The following PYY variants were observed in gnomAD, a reference collection of about 807,000 sequenced individuals.
PYY encodes peptide YY, also known as peptide tyrosine tyrosine.
Under a neutral mutation model 10.3 loss-of-function variants are expected in PYY, and 12 were observed. The ratio of observed to expected loss-of-function variants is 1.17; its 90% CI spans 0.75 to 1.89. The LOEUF is 1.89. Among genes scored for constraint, PYY ranks in the 40% most tolerant of loss-of-function variants. The pLI, the probability that PYY is intolerant of heterozygous loss-of-function variation, is 0.00. For missense variants in PYY, 141 were observed against 134.0 expected (o/e 1.05, Z -0.26); for synonymous variants, 66 against 62.0 (o/e 1.06, Z -0.30).
intron 1 of PYY, among the ~76,000 whole-genome samples, chr17:43,983,854 C>G (rs1391126428): frequency 1.3e-5 from 2 of 152,236 alleles, no homozygotes; most frequent in Non-Finnish European, 2.9e-5. Context: ...CCGGGTCCTC[C>G]CCAGGCGCGC....
At chr17:43,984,171 C>T (rs1318206398) in intron 1 of PYY, among the ~76,000 whole-genome samples, 1 of 152,224 alleles carries the variant, frequency 6.6e-6, no homozygotes, top group Non-Finnish European at 1.5e-5. Flanking sequence ...GGGCGCCAGC[C>T]CCGGGGATGC....
At chr17:43,969,994 G>A (rs570421687) in intron 1 of PYY, among the ~76,000 whole-genome samples, 32 of 151,734 alleles carry the variant, frequency 2.1e-4, no homozygotes, top group Admixed American at 1.3e-3. Flanking sequence ...CATCTGCCAC[G>A]GCCTCCCAAA....
chr17:43,986,548 G>A (rs2048917182), intron 1 of PYY, among the ~76,000 whole-genome samples: 1 of 152,186 alleles, frequency 6.6e-6, no homozygotes, highest in Non-Finnish European at 1.5e-5. Context: ...TGAAATTCCA[G>A]CTCTACAGCC....
intron 2 of PYY, among the ~76,000 whole-genome samples, chr17:43,959,758 C>T (rs1373292763): frequency 1.3e-5 from 2 of 152,266 alleles, no homozygotes; most frequent in African/African-American, 4.8e-5. Context: ...CTGTGAGGGT[C>T]CCTGGGCGCC....
chr17:43,963,369 G>A (rs1226811441), intron 2 of PYY, among the ~76,000 whole-genome samples: 13 of 151,538 alleles, frequency 8.6e-5, no homozygotes, highest in East Asian at 3.9e-4. Flanking sequence ...TTATCCAGGC[G>A]TGGTAGCACA....
At position 43,952,870 on chromosome 17, in the gene PYY, G is replaced by T; in HGVS notation, c.*86C>A. On this transcript the variant is annotated 3_prime_UTR_variant, in exon 4 of 4. Transcript: ENST00000692052. ...CCTGCCCAGACGCCGCCGTCGGGAG[G>T]CAGAATCCGGGTTTCTGGGGTCGGG... is the stretch of plus-strand genomic sequence containing the variant. 1 of 1,407,080 alleles carries T rather than the reference G, an allele frequency of 7.1e-7. No homozygotes were observed. 87.2% of individuals were successfully genotyped at this position (1,407,080 alleles called of 1,614,324 possible). A position where few individuals can be genotyped will look rare whatever the true frequency, so the allele number is the denominator to read the frequency against.
At chr17:43,978,300 TGGAA>T (rs147178283) in intron 1 of PYY, among the ~76,000 whole-genome samples, 6,201 of 127,080 alleles carry the variant, frequency 0.049, 436 homozygotes, top group African/African-American at 0.16. Flanking sequence ...GGAAGAAGGA[TGGAA>T]GGAAGGAAGG....
At chr17:43,973,720 G>A (rs902436887) in intron 1 of PYY, among the ~76,000 whole-genome samples, 1 of 152,200 alleles carries the variant, frequency 6.6e-6, no homozygotes, top group Non-Finnish European at 1.5e-5. Flanking sequence ...ACTTGAACCG[G>A]GAAGGCAGAG....
At chr17:43,992,571 G>A (rs1184867098) in intron 1 of PYY, among the ~76,000 whole-genome samples, 1 of 152,130 alleles carries the variant, frequency 6.6e-6, no homozygotes, top group African/African-American at 2.4e-5. Flanking sequence ...GCCGGGTGTG[G>A]TGGTGCATGC....
chr17:43,956,392 T>A (rs2143890873), upstream of PYY, among the ~76,000 whole-genome samples: 1 of 151,358 alleles, frequency 6.6e-6, no homozygotes, highest in South Asian at 2.1e-4. Context: ...GGAAAATGTC[T>A]CAGCCCTCGA....
rs181657404 is a variant in PYY, at chr17:43,989,628, C to T, written c.-463+14763G>A. 1.2e-3 allele frequency among the ~76,000 whole-genome samples: 180 copies of T among 151,130 alleles called. 1 individual carries two copies. Among genetic ancestry groups the T allele is most frequent in the African/African-American group, 4.1e-3 (168 of 41,140 alleles). ...AGGAATCAATAGACTAAGAAAAATTCAGATGGCAAATATGACAAAGGGTTA... is the reference window on the plus strand; with the variant it reads ...AGGAATCAATAGACTAAGAAAAATTTAGATGGCAAATATGACAAAGGGTTA... On this transcript the variant is annotated intron_variant, in intron 1 of 6. Coordinates refer to the PYY transcript ENST00000360085.
chr17:44,003,261 G>C (rs55779402), intron 1 of PYY, among the ~76,000 whole-genome samples: 21,507 of 151,994 alleles, frequency 0.14, 1,994 homozygotes, highest in Non-Finnish European at 0.2. Flanking sequence ...TTGAACTTCT[G>C]ACCTCAAATG....
At chr17:43,963,318 G>A (rs998153186) in intron 2 of PYY, among the ~76,000 whole-genome samples, 1 of 151,790 alleles carries the variant, frequency 6.6e-6, no homozygotes, top group East Asian at 1.9e-4. Flanking sequence ...GACTACTCTG[G>A]CCAACATGGT....
upstream of PYY, among the ~76,000 whole-genome samples, chr17:43,958,416 T>C (rs1394360801): frequency 6.6e-6 from 1 of 151,576 alleles, no homozygotes; most frequent in Non-Finnish European, 1.5e-5. Flanking sequence ...GGAGTCTTAC[T>C]GTGTCACCCA....
At chr17:43,990,916 C>T (rs2048952829) in intron 1 of PYY, among the ~76,000 whole-genome samples, 1 of 149,972 alleles carries the variant, frequency 6.7e-6, no homozygotes, top group Non-Finnish European at 1.5e-5. Context: ...GCCTCAGTAT[C>T]TCCGAGTAGC....
chr17:44,001,523 G>A (rs920154347), intron 1 of PYY, among the ~76,000 whole-genome samples: 1 of 152,162 alleles, frequency 6.6e-6, no homozygotes, highest in African/African-American at 2.4e-5. Context: ...CCAGAAAGCA[G>A]GGCCAGTCCC....
At chr17:43,992,589 T>A (rs375877602) in intron 1 of PYY, among the ~76,000 whole-genome samples, 7 of 151,652 alleles carry the variant, frequency 4.6e-5, no homozygotes, top group Non-Finnish European at 1.0e-4. Context: ...TGCCTGTAAT[T>A]CCAGCTACTC....
At chr17:43,980,155 C>T (rs2048872833) in intron 1 of PYY, among the ~76,000 whole-genome samples, 3 of 138,992 alleles carry the variant, frequency 2.2e-5, no homozygotes, top group Admixed American at 1.6e-4. Flanking sequence ...TTCCCCTCCA[C>T]CTTTTTTTTT....
intron 2 of PYY, among the ~76,000 whole-genome samples, chr17:43,962,289 T>C (rs377081879): frequency 3.0e-4 from 45 of 152,254 alleles, no homozygotes; most frequent in African/African-American, 1.1e-3. Context: ...CAATGCCAAA[T>C]GGAAATGTAA....
Sources: gnomAD v4.1 joint callset for allele counts (sites outside exome capture counted in the v4.1 genomes callset) on GRCh38, gnomAD v4.1.1 for gene constraint, MANE v1.5 for transcripts, NCBI Gene and HGNC (gene_info 2026-07-23, HGNC 2026-07-21) for gene names.